IL16: variants seen among roughly 807,000 people sequenced by gnomAD.
IL16 encodes the protein interleukin 16.
In IL16, 67 loss-of-function variants were observed where a neutral mutation model predicts 110.1. That is an observed-to-expected ratio of 0.61 (90% CI 0.50 to 0.75). The LOEUF (loss-of-function observed/expected upper bound fraction) is 0.75. IL16 is among the 30% of genes least tolerant of loss of function. IL16 has a pLI of 0.00. For synonymous variants in IL16, 689 were observed against 662.9 expected (o/e 1.04, Z -0.61); for missense variants, 1,545 against 1,655.0 (o/e 0.93, Z 1.15).
intron 1 of IL16, among the ~76,000 whole-genome samples, chr15:81,224,554 A>C (rs916337428): frequency 6.6e-6 from 1 of 152,206 alleles, no homozygotes; most frequent in African/African-American, 2.4e-5. Context: ...ACTCTGGCCA[A>C]GTGTTTGACT....
chr15:81,301,293 C>T (rs370229224), intron 14 of IL16, 51 bp from the exon 15 acceptor site: 1 of 1,505,650 alleles, frequency 6.6e-7, no homozygotes, highest in African/African-American at 1.4e-5. Context: ...ATCACTGTTA[C>T]CTCTTTTTAA....
At chr15:81,240,559 G>A (rs1897307324) in intron 2 of IL16, among the ~76,000 whole-genome samples, 2 of 152,134 alleles carry the variant, frequency 1.3e-5, no homozygotes, top group Non-Finnish European at 1.5e-5. Flanking sequence ...TCAGGGCAAT[G>A]AAATTGTTTC....
chr15:81,285,628 C>T, intron 9 of IL16, 70 bp from the exon 10 acceptor site: 2 of 1,553,008 alleles, frequency 1.3e-6, no homozygotes, highest in South Asian at 1.2e-5. Flanking sequence ...GGAGTGGGCC[C>T]CTGGGGCAGT....
At chr15:81,288,656 T>G (rs1040770371) in intron 10 of IL16, among the ~76,000 whole-genome samples, 4 of 152,172 alleles carry the variant, frequency 2.6e-5, no homozygotes, top group African/African-American at 9.7e-5. Flanking sequence ...CCATTTTACT[T>G]TCTGTCTCTG....
intron 1 of IL16, among the ~76,000 whole-genome samples, chr15:81,212,032 G>A (rs922970625): frequency 6.6e-6 from 1 of 152,108 alleles, no homozygotes; most frequent in Non-Finnish European, 1.5e-5. Context: ...TTAGGGAGGA[G>A]TGCCTCCTCC....
At position 81,278,757 on chromosome 15, in the gene IL16, A is replaced by G. The variant is rs961529085; in HGVS notation, c.791-60A>G. The G allele has an allele frequency of 9.9e-6, 11 of 1,116,460 alleles. 1 individual carries two copies. The highest frequency in any genetic ancestry group is 2.5e-5 in the South Asian group (2 of 80,928). 69.2% of individuals were successfully genotyped at this position (1,116,460 alleles called of 1,614,324 possible). A position where few individuals can be genotyped will look rare whatever the true frequency, so the allele number is the denominator to read the frequency against. On this transcript the variant is annotated intron_variant, in intron 6 of 18. Transcript: ENST00000683961. ...GTTGGGGAGACTAGAGTTAAAGGTA[A>G]TGATAATGCCCTTTGATTGGGCAAC...
At chr15:81,237,374 G>T (rs948796880) in intron 2 of IL16, among the ~76,000 whole-genome samples, 7 of 152,172 alleles carry the variant, frequency 4.6e-5, no homozygotes, top group Non-Finnish European at 8.8e-5. Flanking sequence ...CCCCAGTTTA[G>T]AAGAATGTCT....
chr15:81,283,660 C>A (rs1021189083), intron 9 of IL16, among the ~76,000 whole-genome samples: 6 of 152,100 alleles, frequency 3.9e-5, no homozygotes, highest in African/African-American at 1.2e-4. Flanking sequence ...TAAATAGGAG[C>A]TTTGATGAGG....
intron 1 of IL16, among the ~76,000 whole-genome samples, chr15:81,214,098 T>TA (rs1325558383): frequency 7.2e-5 from 11 of 152,190 alleles, no homozygotes; most frequent in African/African-American, 1.2e-4. Flanking sequence ...AGCATTCCCT[T>TA]AAAAATCTCT....
chr15:81,278,639 C>T (rs1054341856), intron 6 of IL16, among the ~76,000 whole-genome samples, 178 bp from the exon 7 acceptor site: 1 of 152,182 alleles, frequency 6.6e-6, no homozygotes, highest in African/African-American at 2.4e-5. Context: ...CCAGAGAAGG[C>T]CCATGTTGCT....
chr15:81,301,755 A>T (rs923257148), intron 15 of IL16, among the ~76,000 whole-genome samples: 1 of 152,160 alleles, frequency 6.6e-6, no homozygotes, highest in African/African-American at 2.4e-5. Context: ...TCATTTTATA[A>T]ATGAGAAAGG....
intron 2 of IL16, among the ~76,000 whole-genome samples, chr15:81,230,568 T>G (rs1280013427): frequency 6.6e-6 from 1 of 152,188 alleles, no homozygotes; most frequent in Non-Finnish European, 1.5e-5. Flanking sequence ...ATTCTGTCCC[T>G]TATCTCTTCC....
At chr15:81,237,601 G>A (rs995557450) in intron 2 of IL16, among the ~76,000 whole-genome samples, 15 of 152,060 alleles carry the variant, frequency 9.9e-5, no homozygotes, top group Admixed American at 8.5e-4. Flanking sequence ...GAGATTATTT[G>A]AATGTTCCTA....
chr15:81,257,798 T>A (rs1017538769), intron 2 of IL16, among the ~76,000 whole-genome samples: 1 of 152,190 alleles, frequency 6.6e-6, no homozygotes, highest in Non-Finnish European at 1.5e-5. Context: ...AGAGTTATAA[T>A]AGAGTGTCAG....
chr15:81,244,497 ATTAC>A (rs1313864708), intron 2 of IL16, among the ~76,000 whole-genome samples: 1 of 152,042 alleles, frequency 6.6e-6, no homozygotes, highest in Non-Finnish European at 1.5e-5. Flanking sequence ...TTTTTCTTCC[ATTAC>A]TTAAAAATAT....
At chr15:81,235,972 G>A (rs1214864601) in intron 2 of IL16, among the ~76,000 whole-genome samples, 2 of 152,200 alleles carry the variant, frequency 1.3e-5, no homozygotes, top group African/African-American at 4.8e-5. Flanking sequence ...GAGACCGAAT[G>A]TGTGGGAGGT....
intron 2 of IL16, among the ~76,000 whole-genome samples, chr15:81,237,738 C>T (rs1288739580): frequency 6.6e-6 from 1 of 151,908 alleles, no homozygotes; most frequent in African/African-American, 2.4e-5. Flanking sequence ...TTTAGTTCCA[C>T]TTATTTTTGA....
chr15:81,218,311 TA>T (rs1309080792), intron 1 of IL16, among the ~76,000 whole-genome samples: 1 of 151,948 alleles, frequency 6.6e-6, no homozygotes, highest in South Asian at 2.1e-4. Flanking sequence ...AGAGCCCAAA[TA>T]AAGAAGAGTG....
In IL16 at chr15:81,265,813, A is replaced by C. The variant is rs763611946; in HGVS notation, c.564+12A>C. 8.7e-6 allele frequency: 14 copies of C among 1,607,436 alleles called. No homozygotes were observed. In the South Asian group the frequency reaches 1.6e-4, roughly 18 times the overall value. ...CAGGAAAGGCTGCGGTAAGAATGGAAGGAGGGAAACTCAGAGAAGAGTTTC... is the reference window on the plus strand; with the variant it reads ...CAGGAAAGGCTGCGGTAAGAATGGACGGAGGGAAACTCAGAGAAGAGTTTC... On this transcript the variant is annotated intron_variant, in intron 4 of 18. Coordinates refer to ENST00000683961, the MANE Select transcript of IL16 (RefSeq NM_172217.5).
Sources: allele counts gnomAD v4.1 joint callset (sites outside exome capture counted in the v4.1 genomes callset), GRCh38; gene constraint gnomAD v4.1.1; transcripts MANE v1.5; gene names NCBI Gene and HGNC (gene_info 2026-07-23, HGNC 2026-07-21).